The following LCOR variants were observed in gnomAD, a reference collection of about 807,000 sequenced individuals.
LCOR encodes the protein ligand-dependent corepressor.
LCOR carries 14 observed loss-of-function variants against 64.4 expected under a neutral mutation model. That is an observed-to-expected ratio of 0.22 (90% CI 0.14 to 0.34). The LOEUF (loss-of-function observed/expected upper bound fraction) is 0.34, where lower values mean the gene tolerates loss of function less well. Ranked by LOEUF, LCOR falls within the 10% of genes least tolerant of loss-of-function variation. The pLI, the probability that LCOR is intolerant of heterozygous loss-of-function variation, is 1.00. For synonymous variants in LCOR, 643 were observed against 642.5 expected (o/e 1.00, Z -0.01); for missense variants, 1,686 against 1,765.3 (o/e 0.96, Z 0.80).
chr10:96,880,153 G>A (rs1415192461), intron 2 of LCOR, among the ~76,000 whole-genome samples: 1 of 152,096 alleles, frequency 6.6e-6, no homozygotes, highest in African/African-American at 2.4e-5. Flanking sequence ...TGCTCTATTT[G>A]GTTTAAACTG....
chr10:96,949,316 C>T (rs766754480), intron 6 of LCOR, 21 bp downstream of exon 6: 25 of 1,608,900 alleles, frequency 1.6e-5, no homozygotes, highest in Non-Finnish European at 2.0e-5. Context: ...ATGTCAAGGT[C>T]TCCTCTATCT....
intron 2 of LCOR, among the ~76,000 whole-genome samples, chr10:96,872,818 A>G (rs762834791): frequency 1.1e-4 from 17 of 152,338 alleles, no homozygotes; most frequent in Non-Finnish European, 1.6e-4. Flanking sequence ...CAATAGAGGA[A>G]GATGTTCTTA....
intron 7 of LCOR, chr10:96,961,614 C>T (rs1847881533): frequency 6.7e-6 from 1 of 148,878 alleles, no homozygotes; most frequent in Non-Finnish European, 1.5e-5. Flanking sequence ...TAATTGCACC[C>T]TTTCTCAGGT....
chr10:96,988,695 A>G lies in LCOR; in HGVS notation c.*3561A>G, dbSNP rs7920238. The G allele has an allele frequency of 0.14, 21,248 of 152,230 alleles. 2,021 individuals carry two copies. Among genetic ancestry groups the G allele is most frequent in the African/African-American group, 0.26 (10,860 of 41,514 alleles). The allele number at this position is 152,230 out of a possible 1,614,324, so 9.4% of individuals were successfully genotyped here. On this transcript the variant is annotated 3_prime_UTR_variant, in exon 8 of 8. Coordinates refer to ENST00000421806, the MANE Select transcript of LCOR (RefSeq NM_001346516.2). ...AGTGGACCTAAGAGCCAAGTAGGAA[A>G]ATATAGCATGCTATGTGATACAAGC...
At chr10:96,879,127 A>G (rs943536103) in intron 2 of LCOR, among the ~76,000 whole-genome samples, 7 of 152,310 alleles carry the variant, frequency 4.6e-5, no homozygotes, top group Admixed American at 1.3e-4. Context: ...AGATGTGTAT[A>G]TAACACCCAC....
rs1239347289 is a variant in LCOR, at chr10:96,990,994, A to AT, written c.*5866dup. The AT allele has an allele frequency of 2.2e-5, 3 of 134,360 alleles. No individual in the cohort carries two copies. Among genetic ancestry groups the AT allele is most frequent in the Non-Finnish European group, 4.7e-5 (3 of 63,756 alleles). The allele number at this position is 134,360 out of a possible 1,614,324, so 8.3% of individuals were successfully genotyped here. A position where few individuals can be genotyped will look rare whatever the true frequency, so the allele number is the denominator to read the frequency against. On this transcript the variant is annotated 3_prime_UTR_variant, in exon 8 of 8. Transcript: ENST00000421806. ...AATATGCCAGGGGTTGGACAAATGG[A>AT]TTTTTTACCCTTTTTTAAAGGGTTA...
intron 2 of LCOR, among the ~76,000 whole-genome samples, chr10:96,881,196 C>G (rs956254913): frequency 6.6e-6 from 1 of 152,130 alleles, no homozygotes; most frequent in Non-Finnish European, 1.5e-5. Context: ...AGATTTGAAT[C>G]CCAGCCTCTC....
At position 96,870,421 on chromosome 10, in the gene LCOR, T is replaced by G. The variant is rs1589619321; in HGVS notation, c.-329-36844T>G. 2.0e-5 allele frequency among the ~76,000 whole-genome samples: 3 copies of G among 152,144 alleles called. No homozygotes were observed. In the South Asian group the frequency reaches 6.2e-4, roughly 31 times the overall value. On this transcript the variant is annotated intron_variant, in intron 2 of 7. Transcript: ENST00000421806. ...ACACTAAACTAAATTACAACCATAA[T>G]AAAATCTCCCAAAGTCCGTAGGCAC...
chr10:96,892,697 C>T (rs1028674704), intron 2 of LCOR, among the ~76,000 whole-genome samples: 1 of 152,146 alleles, frequency 6.6e-6, no homozygotes, highest in Non-Finnish European at 1.5e-5. Flanking sequence ...TGGGGGGACT[C>T]CAACAGTTAG....
chr10:96,957,913 G>T (rs1436929014), intron 7 of LCOR: 2 of 986,174 alleles, frequency 2.0e-6, no homozygotes, highest in African/African-American at 3.5e-5. Flanking sequence ...AACAGTTTGG[G>T]TTCAATAGCA....
intron 1 of LCOR, chr10:96,832,870 C>T (rs1845368083): frequency 9.9e-6 from 5 of 507,086 alleles, no homozygotes; most frequent in South Asian, 8.4e-5. Context: ...TCCTCCTGCG[C>T]CACCCCTCCC....
At chr10:96,869,586 C>CT (rs889992738) in intron 2 of LCOR, among the ~76,000 whole-genome samples, 9 of 89,986 alleles carry the variant, frequency 1.0e-4, no homozygotes, top group Admixed American at 5.7e-4. Flanking sequence ...TTTTTTTTTT[C>CT]TTTTTTTAGA....
intron 2 of LCOR, among the ~76,000 whole-genome samples, chr10:96,835,043 G>A (rs1314094772): frequency 6.6e-6 from 1 of 152,200 alleles, no homozygotes; most frequent in Non-Finnish European, 1.5e-5. Flanking sequence ...TGGGACTACA[G>A]GCGTGCGCCA....
At chr10:96,858,137 T>G (rs915063506) in intron 2 of LCOR, among the ~76,000 whole-genome samples, 1 of 152,200 alleles carries the variant, frequency 6.6e-6, no homozygotes, top group African/African-American at 2.4e-5. Context: ...GAATTGTGCA[T>G]TTGAGAACCA....
chr10:96,855,739 C>T (rs1381676812), intron 2 of LCOR, among the ~76,000 whole-genome samples: 1 of 145,034 alleles, frequency 6.9e-6, no homozygotes, highest in East Asian at 2.1e-4. Flanking sequence ...CCTGGCCTGT[C>T]TAATGCTTTT....
intron 2 of LCOR, among the ~76,000 whole-genome samples, chr10:96,842,167 G>A (rs375913504): frequency 4.8e-4 from 73 of 152,138 alleles, no homozygotes; most frequent in African/African-American, 8.4e-4. Context: ...AGGCCGAGGC[G>A]GGTGGATCAC....
intron 2 of LCOR, among the ~76,000 whole-genome samples, chr10:96,849,305 T>A (rs1194600024): frequency 6.6e-6 from 1 of 151,936 alleles, no homozygotes; most frequent in African/African-American, 2.4e-5. Context: ...GATCTCCTGA[T>A]CTCGTGATCC....
chr10:96,893,405 A>G (rs1744946244), intron 2 of LCOR, among the ~76,000 whole-genome samples: 1 of 152,232 alleles, frequency 6.6e-6, no homozygotes, highest in African/African-American at 2.4e-5. Flanking sequence ...TAAATAATTT[A>G]CAAATACTTG....
intron 4 of LCOR, chr10:96,908,092 T>G (rs1050933994): frequency 3.9e-5 from 6 of 152,162 alleles, no homozygotes; most frequent in African/African-American, 1.4e-4. Context: ...CCTCCTGGGT[T>G]CAAGCGATTC....
Sources: gnomAD v4.1 joint callset for allele counts (sites outside exome capture counted in the v4.1 genomes callset) on GRCh38, gnomAD v4.1.1 for gene constraint, MANE v1.5 for transcripts, NCBI Gene and HGNC (gene_info 2026-07-23, HGNC 2026-07-21) for gene names.